Variants in RAB11FIP4 observed in about 807,000 individuals in gnomAD.
The protein encoded by RAB11FIP4 is RAB11 family interacting protein 4, also known as rab11 family-interacting protein 4.
Under a neutral mutation model 74.3 loss-of-function variants are expected in RAB11FIP4, and 23 were observed. The ratio of observed to expected loss-of-function variants is 0.31; its 90% confidence interval spans 0.22 to 0.44. The LOEUF (loss-of-function observed/expected upper bound fraction) is 0.44. Among genes scored for constraint, RAB11FIP4 ranks in the 20% least tolerant of loss-of-function variants. The probability of loss-of-function intolerance (pLI) is 1.00; values close to 1 mark genes in which losing one functional copy is unlikely to be tolerated. For missense variants in RAB11FIP4, 630 were observed against 863.9 expected (o/e 0.73, Z 3.39); for synonymous variants, 360 against 359.9 (o/e 1.00, Z 0.00).
intron 5 of RAB11FIP4, 65 bp downstream of exon 5, chr17:31,521,425 A>AGG: frequency 7.0e-7 from 1 of 1,434,510 alleles, no homozygotes; most frequent in African/African-American, 1.4e-5. Context: ...AGCACATCCT[A>AGG]GGGGGTGGGG....
chr17:31,401,274 T>TA (rs72391772), intron 1 of RAB11FIP4, among the ~76,000 whole-genome samples: 1,724 of 145,478 alleles, frequency 0.012, 38 homozygotes, highest in African/African-American at 0.041. Context: ...TCTGTCTAAT[T>TA]AAAAAAAAAA....
intron 3 of RAB11FIP4, among the ~76,000 whole-genome samples, chr17:31,497,289 G>A (rs2072135155): frequency 6.6e-6 from 1 of 152,112 alleles, no homozygotes; most frequent in Admixed American, 6.5e-5. Context: ...GCTGGAACCC[G>A]GAAGGCAGAG....
At chr17:31,521,421 TC>T in intron 5 of RAB11FIP4, 61 bp downstream of exon 5, 1 of 1,460,794 alleles carries the variant, frequency 6.8e-7, no homozygotes, top group East Asian at 2.4e-5. Flanking sequence ...TTTAAGCACA[TC>T]CTAGGGGGTG....
At chr17:31,522,591 T>TCTCCCCACCCC in intron 7 of RAB11FIP4, 196 bp downstream of exon 7, 1 of 578,698 alleles carries the variant, frequency 1.7e-6, no homozygotes, top group Non-Finnish European at 3.0e-6. Context: ...CTCCCTGCTC[T>TCTCCCCACCCC]CTCCCCACCC....
In RAB11FIP4 at chr17:31,397,907, G is replaced by A. The variant is rs562142244; in HGVS notation, c.159+5896G>A. Among the ~76,000 whole-genome samples, 7 of 149,164 alleles carry A rather than the reference G, an allele frequency of 4.7e-5. No homozygotes were observed. The East Asian group carries it at 5.9e-4, about 12-fold the overall frequency. ...TTTTTTTTAATTGAAACAGGCTCTC[G>A]CTTTGTAGCTCAGGCTGGAGTTCAG... On this transcript the variant is annotated intron_variant, in intron 1 of 14. Coordinates refer to ENST00000621161, the MANE Select transcript of RAB11FIP4 (RefSeq NM_032932.6).
intron 3 of RAB11FIP4, among the ~76,000 whole-genome samples, chr17:31,468,370 T>G (rs2071705629): frequency 6.6e-6 from 1 of 152,144 alleles, no homozygotes; most frequent in South Asian, 2.1e-4. Flanking sequence ...TGGAGAGGGC[T>G]TTGGTCCTGC....
chr17:31,432,568 C>T (rs777023304), intron 2 of RAB11FIP4, among the ~76,000 whole-genome samples: 1 of 152,034 alleles, frequency 6.6e-6, no homozygotes, highest in Non-Finnish European at 1.5e-5. Context: ...TCACGTTGTC[C>T]AGCCTGGTCT....
intron 13 of RAB11FIP4, among the ~76,000 whole-genome samples, 163 bp downstream of exon 13, chr17:31,528,941 C>G (rs1457648995): frequency 2.6e-5 from 4 of 152,208 alleles, no homozygotes; most frequent in African/African-American, 9.7e-5. Flanking sequence ...TTTCACAGCT[C>G]AGGAAAATCG....
intron 10 of RAB11FIP4, chr17:31,525,795 G>T (rs972135361): frequency 4.5e-5 from 7 of 156,754 alleles, no homozygotes; most frequent in African/African-American, 1.7e-4. Flanking sequence ...TCCAGACCCT[G>T]CCCACGGGTG....
intron 3 of RAB11FIP4, among the ~76,000 whole-genome samples, chr17:31,515,673 A>G (rs1415642793): frequency 6.6e-5 from 10 of 152,058 alleles, no homozygotes; most frequent in Admixed American, 5.2e-4. Context: ...GGGTCCTTTA[A>G]TAGGGTGCCC....
chr17:31,504,730 A>G (rs2072285064), intron 3 of RAB11FIP4, among the ~76,000 whole-genome samples: 1 of 152,182 alleles, frequency 6.6e-6, no homozygotes, highest in Non-Finnish European at 1.5e-5. Flanking sequence ...TATCTACTCC[A>G]GATTCCATCC....
intron 1 of RAB11FIP4, among the ~76,000 whole-genome samples, chr17:31,419,546 CT>C (rs2071179247): frequency 6.8e-6 from 1 of 147,662 alleles, no homozygotes. Flanking sequence ...TTGTAGTTTT[CT>C]TTTTTCTTTT....
chr17:31,524,219 A>G (rs368662913), intron 9 of RAB11FIP4: 21 of 529,610 alleles, frequency 4.0e-5, no homozygotes, highest in South Asian at 1.5e-4. Context: ...TCTAGGCCCA[A>G]TGGATTCTAC....
intron 3 of RAB11FIP4, chr17:31,488,073 T>C (rs1320295038): frequency 9.8e-7 from 1 of 1,015,644 alleles, no homozygotes; most frequent in African/African-American, 1.7e-5. Flanking sequence ...CACGCGGGTC[T>C]CCCGGCAACG....
intron 3 of RAB11FIP4, 126 bp downstream of exon 3, chr17:31,434,248 G>C (rs1056517231): frequency 9.2e-6 from 7 of 758,544 alleles, no homozygotes; most frequent in Non-Finnish European, 1.5e-5. Flanking sequence ...TTGAGCATCA[G>C]AGTCAAGAAA....
intron 9 of RAB11FIP4, 84 bp from the exon 10 acceptor site, chr17:31,525,006 G>A (rs546689054): frequency 7.0e-5 from 106 of 1,525,088 alleles, no homozygotes; most frequent in Non-Finnish European, 7.9e-5. Context: ...TCAGGGTCTC[G>A]GGGCCCAGGG....
chr17:31,528,622 C>A lies in RAB11FIP4; in HGVS notation c.1497C>A (p.Leu499=), dbSNP rs375256786. ...CAACCTGCTTCTCTCCCTCGCAGCT[C>A]ATCGAGGACTTGCGGAAGGAGCTGG... ...FQKEREATQE[L]IEDLRKELEH... Residue 499 remains leucine, a splice_region_variant and synonymous_variant, in exon 13 of 15, where the codon CTC becomes CTA. Coordinates refer to ENST00000621161, the MANE Select transcript of RAB11FIP4 (RefSeq NM_032932.6). The A allele has an allele frequency of 1.2e-6, 2 of 1,613,564 alleles. No homozygotes were observed. The highest frequency in any genetic ancestry group is 1.7e-6 in the Non-Finnish European group (2 of 1,179,794).
chr17:31,392,068 C>CCA, intron 1 of RAB11FIP4, 57 bp downstream of exon 1: 1 of 1,138,400 alleles, frequency 8.8e-7, no homozygotes, highest in Non-Finnish European at 1.1e-6. Context: ...CCCGCCGCCC[C>CCA]TCCCCCAGCT....
intron 3 of RAB11FIP4, among the ~76,000 whole-genome samples, chr17:31,438,849 T>G (rs1026440295): frequency 1.3e-5 from 2 of 152,146 alleles, no homozygotes; most frequent in African/African-American, 4.8e-5. Flanking sequence ...TGGTGGCTCA[T>G]GCCTGTAATC....
Sources: gnomAD v4.1 joint callset for allele counts (sites outside exome capture counted in the v4.1 genomes callset) on GRCh38, gnomAD v4.1.1 for gene constraint, MANE v1.5 for transcripts, NCBI Gene and HGNC (gene_info 2026-07-23, HGNC 2026-07-21) for gene names.